Variants in DCDC1 observed in about 807,000 individuals in gnomAD.
DCDC1 encodes the protein doublecortin domain-containing protein 1.
In DCDC1, 200 loss-of-function variants were observed where a neutral mutation model predicts 178.3. That is an observed-to-expected ratio of 1.12 (90% CI 1.00 to 1.26). The LOEUF (loss-of-function observed/expected upper bound fraction) is 1.26. Among genes scored for constraint, DCDC1 ranks in the 50% most tolerant of loss-of-function variants. The pLI, the probability that DCDC1 is intolerant of heterozygous loss-of-function variation, is 0.00. For synonymous variants in DCDC1, 690 were observed against 604.8 expected, an observed-to-expected ratio of 1.14 and a Z score of -2.07; for missense variants, 1,983 against 1,749.2, an observed-to-expected ratio of 1.13 and a Z score of -2.38.
chr11:30,915,605 G>C lies in DCDC1; in HGVS notation c.3559C>G (p.Gln1187Glu). ...HAAPQLVLGV[Q>E]GPNLRSGMEV... The stretch of plus-strand genomic sequence containing the variant: ...ATGCCTGATCGGAGATTGGGACCTT[G>C]AACCCCCAAGACTAGCTGAGGAGCA... Residue 1187 changes from glutamine (Q) to glutamate (E), a missense_variant, in exon 27 of 39, where the codon CAA becomes GAA. Coordinates refer to ENST00000684477, the MANE Select transcript of DCDC1 (RefSeq NM_001387274.1). 1 of 1,613,952 alleles carries C rather than the reference G, an allele frequency of 6.2e-7. No homozygotes were observed.
At chr11:31,213,286 A>T (rs1441734809) in intron 9 of DCDC1, among the ~76,000 whole-genome samples, 2 of 151,630 alleles carry the variant, frequency 1.3e-5, no homozygotes, top group African/African-American at 2.4e-5. Flanking sequence ...TGTCAAAATG[A>T]TCTTTTCAAA....
chr11:31,193,207 G>C (rs1970318405), intron 9 of DCDC1, among the ~76,000 whole-genome samples: 1 of 151,940 alleles, frequency 6.6e-6, no homozygotes, highest in Admixed American at 6.6e-5. Context: ...ATTAACAGAA[G>C]CCAATTACCA....
intron 20 of DCDC1, among the ~76,000 whole-genome samples, chr11:31,010,674 G>A (rs1381245552): frequency 6.6e-6 from 1 of 152,182 alleles, no homozygotes; most frequent in African/African-American, 2.4e-5. Context: ...ACTTTATGGT[G>A]TGTCTTTCAC....
chr11:30,968,707 C>CA (rs1565135356), intron 20 of DCDC1, among the ~76,000 whole-genome samples: 11 of 29,520 alleles, frequency 3.7e-4, no homozygotes, highest in South Asian at 7.6e-4. Context: ...ATATATATAT[C>CA]AAATTATATA....
chr11:31,158,556 C>A (rs1053577991), intron 9 of DCDC1, among the ~76,000 whole-genome samples: 3 of 152,172 alleles, frequency 2.0e-5, no homozygotes, highest in Non-Finnish European at 4.4e-5. Context: ...TGGCAACCAT[C>A]ACTCTACTCT....
intron 2 of DCDC1, among the ~76,000 whole-genome samples, chr11:31,332,131 T>C: frequency 6.6e-6 from 1 of 152,246 alleles, no homozygotes; most frequent in East Asian, 1.9e-4. Flanking sequence ...TCCAGGAATT[T>C]ATGCATTTCT....
At chr11:31,280,026 T>C (rs1946312002) in intron 7 of DCDC1, among the ~76,000 whole-genome samples, 1 of 152,172 alleles carries the variant, frequency 6.6e-6, no homozygotes, top group Non-Finnish European at 1.5e-5. Flanking sequence ...AAACTTGCTA[T>C]TTTAAAAGCA....
chr11:31,281,037 C>T (rs992323761), intron 7 of DCDC1: 21 of 509,112 alleles, frequency 4.1e-5, no homozygotes, highest in South Asian at 2.1e-4. Context: ...TGAAGCTAGA[C>T]GTCCCATTCT....
At chr11:31,063,550 A>G (rs1040372320) in intron 20 of DCDC1, among the ~76,000 whole-genome samples, 1 of 152,116 alleles carries the variant, frequency 6.6e-6, no homozygotes, top group Admixed American at 6.6e-5. Flanking sequence ...GTCTCTTTTC[A>G]TGCAAGTGAC....
At chr11:31,125,325 G>C (rs569702756) in intron 11 of DCDC1, among the ~76,000 whole-genome samples, 1 of 152,304 alleles carries the variant, frequency 6.6e-6, no homozygotes, top group African/African-American at 2.4e-5. Flanking sequence ...TACACTGTTA[G>C]TGGGAATGTA....
intron 6 of DCDC1, among the ~76,000 whole-genome samples, chr11:31,295,859 C>G (rs532863396): frequency 2.0e-5 from 3 of 152,276 alleles, no homozygotes; most frequent in South Asian, 4.1e-4. Flanking sequence ...CACAGTAACT[C>G]TTCAAAGCAT....
chr11:31,205,229 T>TA (rs1971731660), intron 9 of DCDC1, among the ~76,000 whole-genome samples: 1 of 152,216 alleles, frequency 6.6e-6, no homozygotes, highest in Admixed American at 6.5e-5. Context: ...AATAAAGTTT[T>TA]ATTTACGTAT....
At chr11:30,929,102 G>A (rs1363201554) in intron 22 of DCDC1, among the ~76,000 whole-genome samples, 1 of 151,926 alleles carries the variant, frequency 6.6e-6, no homozygotes, top group Non-Finnish European at 1.5e-5. Flanking sequence ...ATTACAAATG[G>A]TGATCAAATA....
At chr11:31,266,739 C>T (rs557458759) in intron 7 of DCDC1, among the ~76,000 whole-genome samples, 1 of 152,266 alleles carries the variant, frequency 6.6e-6, no homozygotes, top group South Asian at 2.1e-4. Context: ...ATTATTGGAG[C>T]CCATAATTTA....
intron 2 of DCDC1, among the ~76,000 whole-genome samples, chr11:31,332,591 T>C (rs930007666): frequency 1.3e-5 from 2 of 152,204 alleles, no homozygotes; most frequent in African/African-American, 4.8e-5. Context: ...TTTGTTCTCA[T>C]TGGTTTCAAA....
chr11:31,212,887 AC>A (rs768466659), intron 9 of DCDC1, among the ~76,000 whole-genome samples: 104 of 152,272 alleles, frequency 6.8e-4, no homozygotes, highest in Middle Eastern at 3.4e-3. Context: ...ATTGGAAGAA[AC>A]CTAAATGTCC....
At chr11:31,337,095 C>G (rs58612424) in intron 1 of DCDC1, among the ~76,000 whole-genome samples, 3,119 of 152,264 alleles carry the variant, frequency 0.02, 98 homozygotes, top group African/African-American at 0.07. Context: ...TGCAGTTAAA[C>G]CTAATCCTGA....
rs571443823 is a variant in DCDC1 at position 31,271,382 on chromosome 11, T to C, written c.961-5782A>G. 3.3e-5 allele frequency among the ~76,000 whole-genome samples: 5 copies of C among 152,332 alleles called. No homozygotes were observed. The South Asian group carries it at 1.0e-3, about 32-fold the overall frequency. On this transcript the variant is annotated intron_variant, in intron 7 of 38. Transcript: ENST00000684477. Reference sequence around the variant, plus strand: ...CATCTACTGCTTCTCAACTAGCCTGTTACCACTGATATTGAAACGTAAGTC... The same window carrying C: ...CATCTACTGCTTCTCAACTAGCCTGCTACCACTGATATTGAAACGTAAGTC...
intron 20 of DCDC1, among the ~76,000 whole-genome samples, chr11:31,008,773 A>G (rs1951999671): frequency 6.6e-6 from 1 of 152,222 alleles, no homozygotes; most frequent in Non-Finnish European, 1.5e-5. Flanking sequence ...CTGTCTTTAT[A>G]TGCAAGACTG....
Sources: allele counts gnomAD v4.1 joint callset (sites outside exome capture counted in the v4.1 genomes callset), GRCh38; gene constraint gnomAD v4.1.1; transcripts MANE v1.5; gene names NCBI Gene and HGNC (gene_info 2026-07-23, HGNC 2026-07-21).